The following MARCHF1 variants were observed in gnomAD, a reference collection of about 807,000 sequenced individuals.
The protein encoded by MARCHF1 is membrane associated ring-CH-type finger 1.
Under a neutral mutation model 54.2 loss-of-function variants are expected in MARCHF1, and 40 were observed. The observed-to-expected ratio is 0.74, with a 90% confidence interval of 0.57 to 0.96. The LOEUF (loss-of-function observed/expected upper bound fraction) is 0.96, where lower values mean the gene tolerates loss of function less well. Ranked by LOEUF, MARCHF1 falls within the 40% of genes least tolerant of loss-of-function variation. MARCHF1 has a pLI of 0.00. For missense variants in MARCHF1, 586 were observed against 656.5 expected, an observed-to-expected ratio of 0.89 and a Z score of 1.17; for synonymous variants, 236 against 236.3, an observed-to-expected ratio of 1.00 and a Z score of 0.01.
At chr4:163,553,046 A>AG (rs70948654) in intron 8 of MARCHF1, among the ~76,000 whole-genome samples, 55,226 of 147,004 alleles carry the variant, frequency 0.38, 11,715 homozygotes, top group Non-Finnish European at 0.47. Context: ...AAAAAAAAAA[A>AG]AAAAAGAAGA....
At chr4:163,851,046 G>A (rs954131207) in intron 4 of MARCHF1, among the ~76,000 whole-genome samples, 2 of 151,958 alleles carry the variant, frequency 1.3e-5, no homozygotes, top group African/African-American at 4.8e-5. Flanking sequence ...AAGATCTCAG[G>A]GAATTGTACT....
chr4:163,642,887 A>G (rs1197461977), intron 5 of MARCHF1, among the ~76,000 whole-genome samples: 1 of 152,186 alleles, frequency 6.6e-6, no homozygotes, highest in African/African-American at 2.4e-5. Context: ...ATAAGAAAAT[A>G]GAAAATAAAA....
chr4:163,784,979 T>C (rs1399549436), intron 4 of MARCHF1, among the ~76,000 whole-genome samples: 1 of 152,126 alleles, frequency 6.6e-6, no homozygotes, highest in African/African-American at 2.4e-5. Context: ...AACCTCTTTC[T>C]TGTAAAACAC....
intron 8 of MARCHF1, among the ~76,000 whole-genome samples, chr4:163,579,709 AT>A (rs1194876377): frequency 1.3e-5 from 2 of 151,790 alleles, no homozygotes; most frequent in South Asian, 2.1e-4. Context: ...GTGAGTATGA[AT>A]TTTTTTTTGC....
chr4:164,330,224 C>T (rs989175741), intron 1 of MARCHF1: 1 of 151,786 alleles, frequency 6.6e-6, no homozygotes, highest in African/African-American at 2.4e-5. Flanking sequence ...CACCTGCAAA[C>T]CTTGTCACCT....
At chr4:164,211,355 A>ATAT (rs764711783) in intron 1 of MARCHF1, among the ~76,000 whole-genome samples, 2 of 100,928 alleles carry the variant, frequency 2.0e-5, no homozygotes, top group Non-Finnish European at 5.0e-5. Flanking sequence ...ATATATATAT[A>ATAT]CCACATTGCA....
intron 2 of MARCHF1, among the ~76,000 whole-genome samples, chr4:164,107,797 C>G (rs1486042556): frequency 7.2e-6 from 1 of 139,128 alleles, no homozygotes; most frequent in Non-Finnish European, 1.6e-5. Context: ...ATTTATTTTA[C>G]TATCAAAATG....
chr4:164,071,223 T>A (rs1336236075), intron 2 of MARCHF1, among the ~76,000 whole-genome samples: 1 of 152,200 alleles, frequency 6.6e-6, no homozygotes, highest in Non-Finnish European at 1.5e-5. Context: ...GTAAAACATG[T>A]TTGTTCAATT....
intron 4 of MARCHF1, 103 bp downstream of exon 4, chr4:163,853,918 T>G: frequency 9.9e-7 from 1 of 1,009,748 alleles, no homozygotes; most frequent in East Asian, 2.7e-5. Flanking sequence ...CAAATACTGT[T>G]GTAAACAACG....
chr4:163,949,495 C>T (rs1414644760), intron 3 of MARCHF1, among the ~76,000 whole-genome samples: 1 of 152,240 alleles, frequency 6.6e-6, no homozygotes, highest in Non-Finnish European at 1.5e-5. Context: ...CCTGTGTCAG[C>T]TCGTTTGTGT....
At chr4:163,948,428 A>C (rs1255099810) in intron 3 of MARCHF1, among the ~76,000 whole-genome samples, 1 of 152,206 alleles carries the variant, frequency 6.6e-6, no homozygotes, top group Non-Finnish European at 1.5e-5. Flanking sequence ...TTGAAACTTT[A>C]ATTCTTTACA....
At chr4:164,248,594 T>G (rs958907536) in intron 1 of MARCHF1, among the ~76,000 whole-genome samples, 3 of 152,104 alleles carry the variant, frequency 2.0e-5, no homozygotes, top group Non-Finnish European at 4.4e-5. Flanking sequence ...ACAAGAATTC[T>G]TTTGTATGTT....
rs1451862126 is a variant in MARCHF1, at chr4:163,632,597, T to C, written c.163-19204A>G. On this transcript the variant is annotated intron_variant, in intron 5 of 9. Transcript: ENST00000514618. The stretch of plus-strand genomic sequence containing the variant: ...CCCGCACCTGGCTTGGAGGGTCCTA[T>C]GCCCACGGAGTCTCGCTGATTGTTA... Among the ~76,000 whole-genome samples the C allele has an allele frequency of 5.3e-5, 8 of 152,242 alleles. No individual in the cohort carries two copies. In the East Asian group the frequency reaches 1.4e-3, roughly 26 times the overall value.
At chr4:163,811,785 A>C (rs1299484054) in intron 4 of MARCHF1, among the ~76,000 whole-genome samples, 1 of 152,194 alleles carries the variant, frequency 6.6e-6, no homozygotes, top group Admixed American at 6.5e-5. Context: ...TACATAGATT[A>C]TATCATTTCA....
intron 8 of MARCHF1, among the ~76,000 whole-genome samples, chr4:163,547,037 TA>T (rs1738935547): frequency 1.3e-5 from 2 of 152,186 alleles, no homozygotes; most frequent in African/African-American, 2.4e-5. Flanking sequence ...ACGCCCTCAC[TA>T]AAGCAAAATC....
chr4:163,995,177 C>A (rs539979636), intron 2 of MARCHF1, among the ~76,000 whole-genome samples: 2 of 152,026 alleles, frequency 1.3e-5, no homozygotes, highest in Non-Finnish European at 2.9e-5. Context: ...TCCCACAACC[C>A]CCTCCTTAGG....
intron 2 of MARCHF1, among the ~76,000 whole-genome samples, chr4:164,110,076 ATGT>A (rs918088388): frequency 7.9e-5 from 12 of 150,984 alleles, no homozygotes; most frequent in South Asian, 2.1e-4. Flanking sequence ...TTAAGTTTTA[ATGT>A]TGTTGTTATT....
At chr4:164,176,800 T>C (rs1162539028) in intron 1 of MARCHF1, among the ~76,000 whole-genome samples, 1 of 151,528 alleles carries the variant, frequency 6.6e-6, no homozygotes, top group Non-Finnish European at 1.5e-5. Context: ...AAGCAATAGG[T>C]TTCTCAGGAA....
At chr4:163,834,831 C>T (rs1276193929) in intron 4 of MARCHF1, among the ~76,000 whole-genome samples, 2 of 152,052 alleles carry the variant, frequency 1.3e-5, no homozygotes, top group African/African-American at 4.8e-5. Context: ...GTGCAGCTTC[C>T]TGGTTGACCT....
Sources: gnomAD v4.1 joint callset for allele counts (sites outside exome capture counted in the v4.1 genomes callset) on GRCh38, gnomAD v4.1.1 for gene constraint, MANE v1.5 for transcripts, NCBI Gene and HGNC (gene_info 2026-07-23, HGNC 2026-07-21) for gene names.